The following COX7A2L variants were observed in gnomAD, a reference collection of about 807,000 sequenced individuals.
COX7A2L encodes cytochrome c oxidase subunit 7A2 like.
In COX7A2L, 18 loss-of-function variants were observed where a neutral mutation model predicts 14.2. The ratio of observed to expected loss-of-function variants is 1.27; its 90% CI spans 0.88 to 1.88. The LOEUF (loss-of-function observed/expected upper bound fraction) is 1.88. COX7A2L is among the 40% of genes most tolerant of loss of function. COX7A2L has a pLI of 0.00. For synonymous variants in COX7A2L, 65 were observed against 57.4 expected, an observed-to-expected ratio of 1.13 and a Z score of -0.60; for missense variants, 179 against 138.8, an observed-to-expected ratio of 1.29 and a Z score of -1.46.
At chr2:42,335,657 C>T (rs367586454) in intron 2 of COX7A2L, among the ~76,000 whole-genome samples, 13 of 152,254 alleles carry the variant, frequency 8.5e-5, no homozygotes, top group Admixed American at 8.5e-4. Flanking sequence ...CAGAAGCCGA[C>T]TGGCTGAGTT....
intron 2 of COX7A2L, among the ~76,000 whole-genome samples, chr2:42,337,355 GC>G (rs1670299058): frequency 6.6e-6 from 1 of 152,164 alleles, no homozygotes; most frequent in Non-Finnish European, 1.5e-5. Context: ...GTGAAAAGCA[GC>G]CCATCTCAAA....
downstream of COX7A2L, among the ~76,000 whole-genome samples, chr2:42,347,187 A>G (rs1426626328): frequency 6.6e-6 from 1 of 152,166 alleles, no homozygotes; most frequent in African/African-American, 2.4e-5. Context: ...TTAAACCACA[A>G]AGAAATGTTA....
At chr2:42,359,398 T>C (rs1670943080) in intron 1 of COX7A2L, 1 of 152,084 alleles carries the variant, frequency 6.6e-6, no homozygotes, top group Non-Finnish European at 1.5e-5. Flanking sequence ...TTGAGGGAGG[T>C]GTGGTTATAC....
In COX7A2L at chr2:42,338,520, G is replaced by C. The variant is rs780847399; in HGVS notation, c.193-4651C>G. On this transcript the variant is annotated intron_variant, in intron 2 of 2. Coordinates refer to the COX7A2L transcript ENST00000468711. The surrounding 1 kb of genome is among the most constrained non-coding windows in gnomAD (Gnocchi z 4.4). ...GCTGCCCGTGAACATCTCCTCACCA[G>C]AATCATTAGCAGAAACGTTTGCCAG... 6.6e-6 allele frequency among the ~76,000 whole-genome samples: 1 copy of C among 152,184 alleles called. No individual in the cohort carries two copies. Among genetic ancestry groups the C allele is most frequent in the Admixed American group, 6.5e-5 (1 of 15,288 alleles).
In COX7A2L at chr2:42,361,170, G is replaced by C. The variant is rs202062223; in HGVS notation, c.-9C>G. 10 of 1,607,356 alleles carry C rather than the reference G, an allele frequency of 6.2e-6. No individual in the cohort carries two copies. The East Asian group carries it at 1.1e-4, about 18-fold the overall frequency. ...CTAAACTTGTAGTACATGACGCCCA[G>C]AGTCCGGCTTCCCGCATCCGCTGCC... On this transcript the variant is annotated 5_prime_UTR_variant, in exon 1 of 3. Coordinates refer to ENST00000234301, the MANE Select transcript of COX7A2L (RefSeq NM_004718.4).
At chr2:42,348,956 T>C (rs1670555646), downstream of COX7A2L, among the ~76,000 whole-genome samples, 1 of 152,032 alleles carries the variant, frequency 6.6e-6, no homozygotes. Context: ...ATGCAATGTA[T>C]GATCCTTTGC....
chr2:42,347,160 C>T (rs1310129557), downstream of COX7A2L, among the ~76,000 whole-genome samples: 1 of 152,154 alleles, frequency 6.6e-6, no homozygotes, highest in Non-Finnish European at 1.5e-5. Context: ...CCATGGCGCC[C>T]GGCCTAGTAA....
At chr2:42,348,934 G>T (rs1250812451), downstream of COX7A2L, among the ~76,000 whole-genome samples, 1 of 151,992 alleles carries the variant, frequency 6.6e-6, no homozygotes, top group Non-Finnish European at 1.5e-5. Context: ...AAAAAAAAGT[G>T]ACAACAACTA....
intron 2 of COX7A2L, 132 bp from the exon 3 acceptor site, chr2:42,351,491 A>G: frequency 9.9e-7 from 1 of 1,014,868 alleles, no homozygotes; most frequent in Non-Finnish European, 1.4e-6. Context: ...GCACTAATCC[A>G]TGGAATGCTA....
intron 1 of COX7A2L, among the ~76,000 whole-genome samples, chr2:42,353,833 A>G (rs549338496): frequency 2.6e-5 from 4 of 152,372 alleles, no homozygotes; most frequent in African/African-American, 9.6e-5. Flanking sequence ...AATCAAAACA[A>G]AAAACTTTTC....
At chr2:42,337,832 C>G (rs1225427987) in intron 2 of COX7A2L, among the ~76,000 whole-genome samples, 1 of 152,190 alleles carries the variant, frequency 6.6e-6, no homozygotes, top group African/African-American at 2.4e-5. Flanking sequence ...ACCACGAAGC[C>G]TTTTGAAACT....
intron 1 of COX7A2L, among the ~76,000 whole-genome samples, chr2:42,358,369 C>A (rs1572798799): frequency 6.6e-6 from 1 of 152,220 alleles, no homozygotes; most frequent in East Asian, 1.9e-4. Flanking sequence ...AGCTGACTTA[C>A]AAATCTCTAC....
intron 1 of COX7A2L, among the ~76,000 whole-genome samples, chr2:42,357,351 C>G (rs1670855302): frequency 6.6e-6 from 1 of 152,214 alleles, no homozygotes; most frequent in Admixed American, 6.5e-5. Context: ...CACTGTCACC[C>G]ACGCTGGAGT....
At chr2:42,363,568 G>C (rs1431138009), upstream of COX7A2L, among the ~76,000 whole-genome samples, 1 of 152,192 alleles carries the variant, frequency 6.6e-6, no homozygotes, top group Non-Finnish European at 1.5e-5. Context: ...CAACAGCCAG[G>C]CTGTTCAGTG....
At chr2:42,366,300 T>C (rs1198160348) in intron 1 of COX7A2L, among the ~76,000 whole-genome samples, 2 of 152,190 alleles carry the variant, frequency 1.3e-5, no homozygotes, top group African/African-American at 4.8e-5. Flanking sequence ...ATTGCACACC[T>C]GTAGTCCCAG....
intron 2 of COX7A2L, 38 bp downstream of exon 2, chr2:42,353,174 T>C (rs1441896891): frequency 6.3e-7 from 1 of 1,597,472 alleles, no homozygotes; most frequent in Non-Finnish European, 8.5e-7. Context: ...AGCCTATTTA[T>C]TTCACAGGCT....
chr2:42,352,152 T>A (rs1670668248), intron 2 of COX7A2L, among the ~76,000 whole-genome samples: 1 of 152,152 alleles, frequency 6.6e-6, no homozygotes, highest in Admixed American at 6.5e-5. Context: ...TCAAATTCCA[T>A]GAGATATTTA....
chr2:42,353,084 C>T, intron 2 of COX7A2L, 128 bp downstream of exon 2: 1 of 1,153,322 alleles, frequency 8.7e-7, no homozygotes. Flanking sequence ...AAACTAAAAT[C>T]AAGAGAATAC....
chr2:42,351,391 G>C, intron 2 of COX7A2L, 32 bp from the exon 3 acceptor site: 2 of 1,602,548 alleles, frequency 1.2e-6, no homozygotes, highest in South Asian at 2.3e-5. Flanking sequence ...GGGCATGGTT[G>C]AGAAGAAAAA....
Sources: allele counts gnomAD v4.1 joint callset (sites outside exome capture counted in the v4.1 genomes callset), GRCh38; gene constraint gnomAD v4.1.1; non-coding constraint Gnocchi (gnomAD v3.1); transcripts MANE v1.5; gene names NCBI Gene and HGNC (gene_info 2026-07-23, HGNC 2026-07-21).